The following SGCZ variants were observed in gnomAD, a reference collection of about 807,000 sequenced individuals.
SGCZ encodes zeta-sarcoglycan.
A neutral mutation model predicts 41.3 loss-of-function variants in SGCZ; 40 were observed. The observed-to-expected ratio is 0.97, with a 90% CI of 0.75 to 1.26. The LOEUF is 1.26. SGCZ is among the 50% of genes most tolerant of loss of function. SGCZ has a pLI of 0.00. For synonymous variants in SGCZ, 206 were observed against 137.5 expected (o/e 1.50, Z -3.49); for missense variants, 552 against 369.8 (o/e 1.49, Z -4.04).
chr8:14,380,873 A>C (rs202219123), intron 2 of SGCZ, among the ~76,000 whole-genome samples: 2 of 152,124 alleles, frequency 1.3e-5, no homozygotes, highest in African/African-American at 2.4e-5. Context: ...AAACAAACAA[A>C]AAAAAAAATT....
chr8:14,307,006 T>C (rs928267277), intron 3 of SGCZ, among the ~76,000 whole-genome samples: 11 of 152,124 alleles, frequency 7.2e-5, no homozygotes, highest in African/African-American at 2.7e-4. Context: ...CTAAGTTAAA[T>C]TGAAGGAGAA....
chr8:15,035,236 G>A (rs78735084), intron 1 of SGCZ, among the ~76,000 whole-genome samples: 4 of 152,126 alleles, frequency 2.6e-5, no homozygotes, highest in African/African-American at 9.7e-5. Flanking sequence ...AAAGCATACA[G>A]TGTTTAATGC....
chr8:15,027,238 G>A (rs1337352556), intron 1 of SGCZ, among the ~76,000 whole-genome samples: 1 of 152,090 alleles, frequency 6.6e-6, no homozygotes, highest in Admixed American at 6.5e-5. Context: ...ATTCCAGGAA[G>A]TTCTAGAATA....
chr8:15,083,253 T>A (rs1420661492), intron 1 of SGCZ, among the ~76,000 whole-genome samples: 5 of 152,338 alleles, frequency 3.3e-5, no homozygotes, highest in Admixed American at 6.5e-5. Context: ...TAATTTCCCA[T>A]GTTTTTAATA....
At chr8:14,415,152 G>A (rs1001775240) in intron 2 of SGCZ, among the ~76,000 whole-genome samples, 5 of 151,612 alleles carry the variant, frequency 3.3e-5, no homozygotes, top group African/African-American at 1.2e-4. Flanking sequence ...GATTCATTGG[G>A]TCCTTTGATA....
At chr8:15,044,587 T>A (rs1000184590) in intron 1 of SGCZ, among the ~76,000 whole-genome samples, 2 of 152,098 alleles carry the variant, frequency 1.3e-5, no homozygotes, top group Non-Finnish European at 2.9e-5. Flanking sequence ...TTTATTAGGA[T>A]TGTGTAAGAT....
chr8:15,051,267 A>T (rs1184543334), intron 1 of SGCZ, among the ~76,000 whole-genome samples: 2 of 152,228 alleles, frequency 1.3e-5, no homozygotes, highest in South Asian at 2.1e-4. Context: ...GAGGCTAAAG[A>T]GAAAAAGAAT....
chr8:14,624,023 T>C (rs934057174), intron 1 of SGCZ, among the ~76,000 whole-genome samples: 3 of 152,216 alleles, frequency 2.0e-5, no homozygotes, highest in African/African-American at 7.2e-5. Flanking sequence ...ACGTAGTTTC[T>C]AGCAGATAAA....
At chr8:14,852,112 T>C (rs1052115824) in intron 1 of SGCZ, among the ~76,000 whole-genome samples, 3 of 152,200 alleles carry the variant, frequency 2.0e-5, no homozygotes, top group Non-Finnish European at 4.4e-5. Context: ...GATCAAATTA[T>C]TATTTTTTTA....
chr8:15,100,780 C>A (rs531932654), intron 1 of SGCZ, among the ~76,000 whole-genome samples: 1 of 152,214 alleles, frequency 6.6e-6, no homozygotes, highest in South Asian at 2.1e-4. Flanking sequence ...CCCAGAAATT[C>A]AAGTCCGGCC....
At chr8:14,807,374 C>T (rs568186496) in intron 1 of SGCZ, among the ~76,000 whole-genome samples, 1 of 152,138 alleles carries the variant, frequency 6.6e-6, no homozygotes. Flanking sequence ...TAAGCAACTT[C>T]AGCAAAGTCT....
chr8:15,131,428 T>C (rs1329969247), intron 1 of SGCZ, among the ~76,000 whole-genome samples: 1 of 152,158 alleles, frequency 6.6e-6, no homozygotes, highest in Non-Finnish European at 1.5e-5. Flanking sequence ...GAACTGTGAG[T>C]CCATTAAACC....
At chr8:15,116,211 TA>T (rs757554678) in intron 1 of SGCZ, among the ~76,000 whole-genome samples, 1 of 151,916 alleles carries the variant, frequency 6.6e-6, no homozygotes, top group Non-Finnish European at 1.5e-5. Context: ...GCTCTGTATT[TA>T]AAAAAAATAG....
intron 1 of SGCZ, among the ~76,000 whole-genome samples, chr8:15,061,273 T>G (rs964414929): frequency 1.4e-5 from 2 of 146,082 alleles, no homozygotes; most frequent in African/African-American, 5.0e-5. Flanking sequence ...TAAGACAAAC[T>G]AACACAGGAA....
intron 5 of SGCZ, among the ~76,000 whole-genome samples, chr8:14,118,547 C>G (rs768060062): frequency 7.2e-5 from 11 of 152,292 alleles, no homozygotes; most frequent in African/African-American, 2.4e-4. Context: ...TTTTGCTATG[C>G]AGAAGCTCTT....
intron 2 of SGCZ, among the ~76,000 whole-genome samples, chr8:14,427,723 A>C (rs936797836): frequency 2.6e-5 from 4 of 152,162 alleles, no homozygotes; most frequent in South Asian, 2.1e-4. Flanking sequence ...TAACTATCAC[A>C]AGGACCAAAC....
At chr8:15,081,742 T>C (rs983075427) in intron 1 of SGCZ, among the ~76,000 whole-genome samples, 10 of 152,116 alleles carry the variant, frequency 6.6e-5, no homozygotes, top group African/African-American at 2.4e-4. Context: ...CCAATTTCCT[T>C]AAGAGGAGCT....
At chr8:14,701,840 T>A (rs13275951) in intron 1 of SGCZ, among the ~76,000 whole-genome samples, 106,043 of 151,764 alleles carry the variant, frequency 0.7, 37,999 homozygotes, top group South Asian at 0.79. Flanking sequence ...ATCTTTCATT[T>A]TCAGCCTTTT....
At chr8:14,594,079 G>T (rs575600225) in intron 1 of SGCZ, among the ~76,000 whole-genome samples, 1 of 151,960 alleles carries the variant, frequency 6.6e-6, no homozygotes, top group African/African-American at 2.4e-5. Flanking sequence ...GGAGGCTGAC[G>T]TGGGAGAATT....
Sources: allele counts gnomAD v4.1 joint callset (sites outside exome capture counted in the v4.1 genomes callset), GRCh38; gene constraint gnomAD v4.1.1; transcripts MANE v1.5; gene names NCBI Gene and HGNC (gene_info 2026-07-23, HGNC 2026-07-21).